Variants in MAGI2 observed in about 807,000 individuals in gnomAD.
MAGI2 encodes the protein membrane associated guanylate kinase, WW and PDZ domain containing 2, also known as membrane-associated guanylate kinase, WW and PDZ domain-containing protein 2.
A neutral mutation model predicts 133.3 loss-of-function variants in MAGI2; 35 were observed. The ratio of observed to expected loss-of-function variants is 0.26; its 90% CI spans 0.20 to 0.35. MAGI2 has a LOEUF of 0.35. Ranked by LOEUF, MAGI2 falls within the 10% of genes least tolerant of loss-of-function variation. MAGI2 has a pLI of 1.00. For missense variants in MAGI2, 1,636 were observed against 1,863.4 expected (o/e 0.88, Z 2.25); for synonymous variants, 729 against 710.6 (o/e 1.03, Z -0.41).
intron 2 of MAGI2, among the ~76,000 whole-genome samples, chr7:78,953,835 G>A (rs547346784): frequency 1.3e-3 from 192 of 152,034 alleles, no homozygotes; most frequent in Non-Finnish European, 2.0e-3. Context: ...ATGAAATTGG[G>A]CTGTTTCTAA....
At chr7:78,542,582 A>T (rs545995312) in intron 3 of MAGI2, among the ~76,000 whole-genome samples, 47 of 152,188 alleles carry the variant, frequency 3.1e-4, no homozygotes, top group Non-Finnish European at 5.6e-4. Flanking sequence ...TGAAAAAGCT[A>T]ATGAAAATTT....
At chr7:78,441,565 C>T (rs1203997173) in intron 6 of MAGI2, among the ~76,000 whole-genome samples, 1 of 151,848 alleles carries the variant, frequency 6.6e-6, no homozygotes, top group Non-Finnish European at 1.5e-5. Context: ...GATTAGTTTA[C>T]AGCTCCACTT....
chr7:78,649,042 T>TG (rs1811210797), intron 2 of MAGI2, among the ~76,000 whole-genome samples: 1 of 151,434 alleles, frequency 6.6e-6, no homozygotes, highest in South Asian at 2.1e-4. Flanking sequence ...AGCACCAATG[T>TG]GGTGATTAAT....
chr7:78,565,044 C>G (rs1157876189), intron 3 of MAGI2, among the ~76,000 whole-genome samples: 1 of 151,972 alleles, frequency 6.6e-6, no homozygotes, highest in Non-Finnish European at 1.5e-5. Context: ...CCGTCTGCCT[C>G]AGCCTTCCAA....
chr7:78,595,006 G>C (rs1804446077), intron 3 of MAGI2, among the ~76,000 whole-genome samples: 1 of 152,192 alleles, frequency 6.6e-6, no homozygotes, highest in Non-Finnish European at 1.5e-5. Context: ...TATAAGGTCT[G>C]GAAGACTTTG....
At chr7:78,791,234 A>T (rs571540348) in intron 2 of MAGI2, among the ~76,000 whole-genome samples, 3 of 152,208 alleles carry the variant, frequency 2.0e-5, no homozygotes, top group Non-Finnish European at 4.4e-5. Context: ...AAAGAGAGAG[A>T]GAAAAGTTTA....
At chr7:79,056,976 A>T (rs1173422572) in intron 1 of MAGI2, among the ~76,000 whole-genome samples, 3 of 152,188 alleles carry the variant, frequency 2.0e-5, no homozygotes, top group Non-Finnish European at 2.9e-5. Flanking sequence ...CCTAAAAGAG[A>T]TCATACTATT....
intron 1 of MAGI2, among the ~76,000 whole-genome samples, chr7:79,345,767 G>A (rs1841267933): frequency 6.6e-6 from 1 of 152,100 alleles, no homozygotes; most frequent in Admixed American, 6.6e-5. Context: ...CTGTGTGATA[G>A]TAACAGCTTT....
chr7:78,456,069 G>C (rs1203517950), intron 6 of MAGI2, among the ~76,000 whole-genome samples: 1 of 150,482 alleles, frequency 6.6e-6, no homozygotes, highest in African/African-American at 2.5e-5. Flanking sequence ...TCTACATGAT[G>C]TACTTTTTTT....
At chr7:78,091,293 C>T (rs572165588) in intron 20 of MAGI2, among the ~76,000 whole-genome samples, 125 of 152,154 alleles carry the variant, frequency 8.2e-4, no homozygotes, top group African/African-American at 2.9e-3. Context: ...TGGGTGAATG[C>T]TGCTATTAAA....
chr7:78,347,051 T>G (rs1790990871), intron 7 of MAGI2: 1 of 152,208 alleles, frequency 6.6e-6, no homozygotes, highest in Admixed American at 6.5e-5. Context: ...CATGGAGAGA[T>G]CGGATTATTT....
At chr7:78,603,474 A>C (rs560779998) in intron 3 of MAGI2, among the ~76,000 whole-genome samples, 135 of 152,306 alleles carry the variant, frequency 8.9e-4, no homozygotes, top group Non-Finnish European at 1.5e-3. Context: ...AAATGGATTA[A>C]AACATTCAAG....
chr7:78,620,289 T>C (rs1807586954), intron 3 of MAGI2, among the ~76,000 whole-genome samples: 1 of 151,980 alleles, frequency 6.6e-6, no homozygotes, highest in South Asian at 2.1e-4. Flanking sequence ...CCCAATGCTA[T>C]CTTGATTGCA....
chr7:78,351,491 G>A (rs377455247), intron 7 of MAGI2, among the ~76,000 whole-genome samples: 2 of 151,894 alleles, frequency 1.3e-5, no homozygotes, highest in East Asian at 2.0e-4. Context: ...CATTGAGAGA[G>A]GGAGTGAGAG....
intron 16 of MAGI2, among the ~76,000 whole-genome samples, chr7:78,152,652 T>C (rs535942096): frequency 4.6e-5 from 7 of 152,370 alleles, no homozygotes; most frequent in Admixed American, 3.3e-4. Flanking sequence ...CTTTGTTGTA[T>C]ATGTAGGCTT....
chr7:79,431,638 T>C (rs1240565156), intron 1 of MAGI2, among the ~76,000 whole-genome samples: 1 of 152,196 alleles, frequency 6.6e-6, no homozygotes, highest in African/African-American at 2.4e-5. Context: ...AATGAGCAAT[T>C]AGTCTTGAAA....
chr7:79,317,083 C>G (rs1236948447), intron 1 of MAGI2, among the ~76,000 whole-genome samples: 8 of 137,290 alleles, frequency 5.8e-5, no homozygotes. Context: ...AGTGCAATGG[C>G]ATGATCTCGG....
At chr7:78,107,151 A>G (rs1818774975) in intron 20 of MAGI2, among the ~76,000 whole-genome samples, 1 of 152,134 alleles carries the variant, frequency 6.6e-6, no homozygotes, top group Admixed American at 6.5e-5. Flanking sequence ...CTTTCTTGAA[A>G]TGAATTCCCT....
chr7:78,893,734 G>A (rs549912091), intron 2 of MAGI2, among the ~76,000 whole-genome samples: 1 of 152,214 alleles, frequency 6.6e-6, no homozygotes, highest in African/African-American at 2.4e-5. Flanking sequence ...GTTGTGGGTT[G>A]GGGGCGGGGG....
Sources: allele counts gnomAD v4.1 joint callset (sites outside exome capture counted in the v4.1 genomes callset), GRCh38; gene constraint gnomAD v4.1.1; transcripts MANE v1.5; gene names NCBI Gene and HGNC (gene_info 2026-07-23, HGNC 2026-07-21).